The following BCL9 variants were observed in gnomAD, a reference collection of about 807,000 sequenced individuals.
BCL9 encodes B-cell CLL/lymphoma 9 protein.
A neutral mutation model predicts 88.5 loss-of-function variants in BCL9; 25 were observed. The ratio of observed to expected loss-of-function variants is 0.28; its 90% CI spans 0.21 to 0.39. BCL9 has a LOEUF of 0.39. BCL9 is among the 10% of genes least tolerant of loss of function. The pLI, the probability that BCL9 is intolerant of heterozygous loss-of-function variation, is 1.00. For synonymous variants in BCL9, 711 were observed against 673.3 expected (o/e 1.06, Z -0.87); for missense variants, 1,817 against 1,877.8 (o/e 0.97, Z 0.60).
rs587752283 is a variant in BCL9, at chr1:147,624,618, A to G, written c.3940A>G (p.Asn1314Asp). The change falls in exon 10 of 10, where the codon AAC becomes GAC. Residue 1314 changes from asparagine to aspartate, a missense_variant. Asn to Asp is a conservative substitution (Grantham distance 23). Around this residue, in one of 2 missense-constraint regions of BCL9, gnomAD observed 589 missense variants for 686.2 expected, o/e 0.86. Coordinates refer to ENST00000234739, the MANE Select transcript of BCL9 (RefSeq NM_004326.4). This position sits in a 1 kb window ranked among gnomAD's most constrained non-coding sequence, Gnocchi z 4.4. ...TACAGCTCCATCCATGCCAGGCCACAACCCCATGAGACCACCAGCCTTTCT... is the reference window on the plus strand; with the variant it reads ...TACAGCTCCATCCATGCCAGGCCACGACCCCATGAGACCACCAGCCTTTCT... ...LGTAPSMPGH[N>D]PMRPPAFLQQ... 4 of 1,614,150 alleles carry G rather than the reference A, an allele frequency of 2.5e-6. No homozygotes were observed. In the East Asian group the frequency reaches 6.7e-5, roughly 27 times the overall value.
At chr1:147,621,553 C>G (rs1384262777) in intron 8 of BCL9, among the ~76,000 whole-genome samples, 2 of 152,124 alleles carry the variant, frequency 1.3e-5, no homozygotes, top group Admixed American at 1.3e-4. Context: ...TTTCACAGAT[C>G]AGCTACAATT....
Position 147,619,648 on chromosome 1 carries a change from A to G in BCL9, c.1493A>G (p.Gln498Arg). ...GTGGTTGTCCAGCAGTGTTCCCTCCAGGACATGATGGTCCATCAGCACGGG... is the reference window on the plus strand; with the variant it reads ...GTGGTTGTCCAGCAGTGTTCCCTCCGGGACATGATGGTCCATCAGCACGGG... Reference protein sequence around the residue: ...EQVVVQQCSLQDMMVHQHGPR... With the variant: ...EQVVVQQCSLRDMMVHQHGPR... The change falls in exon 8 of 10, where the codon CAG becomes CGG. Residue 498 changes from glutamine to arginine, a missense_variant. Around this residue, in one of 2 missense-constraint regions of BCL9, gnomAD observed 1,228 missense variants for 1,191.6 expected, o/e 1.03. Coordinates refer to ENST00000234739, the MANE Select transcript of BCL9 (RefSeq NM_004326.4). This position sits in a 1 kb window ranked among gnomAD's most constrained non-coding sequence, Gnocchi z 4.1. 1 of 1,614,134 alleles carries G rather than the reference A, an allele frequency of 6.2e-7. No homozygotes were observed. The highest frequency in any genetic ancestry group is 8.5e-7 in the Non-Finnish European group (1 of 1,180,026).
chr1:147,588,453 A>G (rs974097134), intron 1 of BCL9, among the ~76,000 whole-genome samples: 1 of 152,202 alleles, frequency 6.6e-6, no homozygotes, highest in Non-Finnish European at 1.5e-5. Flanking sequence ...ATTTACAGAA[A>G]TATGAAATAA....
intron 1 of BCL9, among the ~76,000 whole-genome samples, chr1:147,553,612 A>G (rs1431552667): frequency 1.3e-5 from 2 of 152,196 alleles, no homozygotes; most frequent in African/African-American, 2.4e-5. Context: ...ACTGAATTGA[A>G]TTCTTGGCTT....
At chr1:147,573,615 T>G (rs1655980227) in intron 1 of BCL9, among the ~76,000 whole-genome samples, 1 of 152,084 alleles carries the variant, frequency 6.6e-6, no homozygotes, top group Admixed American at 6.5e-5. Context: ...TTAATAGAAG[T>G]GAGGGTTTGT....
chr1:147,604,973 G>C (rs1657605557), intron 2 of BCL9, 62 bp downstream of exon 2: 1 of 152,132 alleles, frequency 6.6e-6, no homozygotes, highest in Non-Finnish European at 1.5e-5. Context: ...TTGGATTTTT[G>C]TTTCTGTTTC....
intron 1 of BCL9, among the ~76,000 whole-genome samples, chr1:147,560,562 G>A (rs1469690904): frequency 2.0e-5 from 3 of 148,392 alleles, no homozygotes; most frequent in East Asian, 2.0e-4. Context: ...AGCCGAGATC[G>A]CACCATCACA....
chr1:147,550,536 A>G (rs587652723), intron 1 of BCL9, among the ~76,000 whole-genome samples: 1 of 152,328 alleles, frequency 6.6e-6, no homozygotes, highest in Non-Finnish European at 1.5e-5. Context: ...ATTTATCAAA[A>G]AGCAAGAATA....
chr1:147,611,879 AAC>A lies in BCL9; in HGVS notation c.49_50del (p.Gln17GlufsTer2). On this transcript the variant is annotated frameshift_variant, in exon 4 of 10. Coordinates refer to ENST00000234739, the MANE Select transcript of BCL9 (RefSeq NM_004326.4). LOFTEE classifies it high-confidence loss of function. ...NPKVRSSPSG[N>X]TQSSPKSKQE... ...TAAAGTGAGGAGCTCTCCATCAGGA[AAC>A]ACACAGAGGTAAGGGCTGGGCTGGG... 1.2e-6 allele frequency: 2 copies of A among 1,614,194 alleles called. No individual in the cohort carries two copies. Among genetic ancestry groups the A allele is most frequent in the Non-Finnish European group, 1.7e-6 (2 of 1,180,014 alleles).
intron 1 of BCL9, among the ~76,000 whole-genome samples, chr1:147,545,580 G>A (rs181965904): frequency 1.3e-5 from 2 of 152,256 alleles, no homozygotes; most frequent in African/African-American, 4.8e-5. Flanking sequence ...CAATGTGTAG[G>A]TACTCTGCAT....
At position 147,620,773 on chromosome 1, in the gene BCL9, C is replaced by T; in HGVS notation, c.2618C>T (p.Ser873Leu). ...TCTCCCACGATGCACCAAGTCCAGT[C>T]ACCAATGCTGGGCTCGCCCTCGGGG... ...LKSPTMHQVQ[S>L]PMLGSPSGNL... Residue 873 changes from serine (S) to leucine (L), a missense_variant, in exon 8 of 10, where the codon TCA becomes TTA. Ser to Leu is a moderately radical substitution (Grantham distance 145). Transcript: ENST00000234739. 1.9e-6 allele frequency: 3 copies of T among 1,614,148 alleles called. No homozygotes were observed. Among genetic ancestry groups the T allele is most frequent in the South Asian group, 2.2e-5 (2 of 91,082 alleles).
chr1:147,615,652 G>A (rs1658239753), intron 6 of BCL9, 151 bp from the exon 7 acceptor site: 1 of 574,940 alleles, frequency 1.7e-6, no homozygotes, highest in Non-Finnish European at 3.0e-6. Flanking sequence ...AATGAAACAT[G>A]TTTGTCTTGA....
chr1:147,573,917 T>C (rs1353439292), intron 1 of BCL9, among the ~76,000 whole-genome samples: 2 of 151,948 alleles, frequency 1.3e-5, no homozygotes, highest in Non-Finnish European at 2.9e-5. Context: ...GCAAGACAGA[T>C]AAAATGTGGA....
At position 147,620,607 on chromosome 1, in the gene BCL9, C is replaced by G. The variant is rs1452840567; in HGVS notation, c.2452C>G (p.Pro818Ala). The G allele has an allele frequency of 6.2e-7, 1 of 1,614,184 alleles. No homozygotes were observed. The highest frequency in any genetic ancestry group is 2.2e-5 in the East Asian group (1 of 44,884). The change falls in exon 8 of 10, where the codon CCA becomes GCA. Residue 818 changes from proline to alanine, a missense_variant. Physicochemically the swap from Pro to Ala is conservative, Grantham distance 27. This residue lies in a region of BCL9 where 1,228 missense variants were observed against 1,191.6 expected (regional missense o/e 1.03). Transcript: ENST00000234739. ...GACTAACAGCCGGCTCAGTCATATG[C>G]CACCACTACCTCTCAACCCTTCCAG... ...QRTNSRLSHM[P>A]PLPLNPSSNP...
intron 1 of BCL9, among the ~76,000 whole-genome samples, chr1:147,550,282 G>A (rs1255627864): frequency 6.6e-6 from 1 of 152,134 alleles, no homozygotes; most frequent in Non-Finnish European, 1.5e-5. Context: ...ACGAACCATG[G>A]AAGGGCCATC....
At chr1:147,571,262 G>GA (rs1655874338) in intron 1 of BCL9, among the ~76,000 whole-genome samples, 1 of 151,542 alleles carries the variant, frequency 6.6e-6, no homozygotes. Flanking sequence ...ATTTTACCTA[G>GA]AAAAAAAATG....
At chr1:147,572,418 C>T (rs905529004) in intron 1 of BCL9, among the ~76,000 whole-genome samples, 2 of 152,192 alleles carry the variant, frequency 1.3e-5, no homozygotes, top group African/African-American at 2.4e-5. Context: ...CAATGTGTTT[C>T]CATTTCAGCC....
intron 1 of BCL9, among the ~76,000 whole-genome samples, chr1:147,544,586 T>A (rs1247267276): frequency 1.3e-5 from 2 of 152,182 alleles, no homozygotes; most frequent in Non-Finnish European, 2.9e-5. Context: ...GTTTTACTGA[T>A]TCCATCGTTC....
intron 1 of BCL9, among the ~76,000 whole-genome samples, chr1:147,561,585 A>G (rs1655379336): frequency 1.3e-5 from 2 of 152,260 alleles, no homozygotes; most frequent in South Asian, 4.1e-4. Flanking sequence ...CTATTTATTC[A>G]TTTGTTCATT....
Sources: gnomAD v4.1 joint callset for allele counts (sites outside exome capture counted in the v4.1 genomes callset) on GRCh38, gnomAD v4.1.1 for gene constraint, gnomAD v4.1.1 regional missense constraint, Gnocchi (gnomAD v3.1) non-coding constraint, MANE v1.5 for transcripts, NCBI Gene and HGNC (gene_info 2026-07-23, HGNC 2026-07-21) for gene names.